Variants in CNTN5 observed in about 807,000 individuals in gnomAD.
CNTN5 encodes contactin 5.
In CNTN5, 77 loss-of-function variants were observed where a neutral mutation model predicts 129.1. The ratio of observed to expected loss-of-function variants is 0.60; its 90% CI spans 0.50 to 0.72. The LOEUF (loss-of-function observed/expected upper bound fraction) is 0.72. Ranked by LOEUF, CNTN5 falls within the 30% of genes least tolerant of loss-of-function variation. The pLI, the probability that CNTN5 is intolerant of heterozygous loss-of-function variation, is 0.00. For synonymous variants in CNTN5, 509 were observed against 465.6 expected (o/e 1.09, Z -1.20); for missense variants, 1,478 against 1,328.8 (o/e 1.11, Z -1.75).
At chr11:100,069,519 C>A (rs1291991600) in intron 10 of CNTN5, among the ~76,000 whole-genome samples, 1 of 152,016 alleles carries the variant, frequency 6.6e-6, no homozygotes, top group Non-Finnish European at 1.5e-5. Context: ...TGACATTAGA[C>A]CACCTCTACC....
intron 2 of CNTN5, among the ~76,000 whole-genome samples, chr11:99,437,887 A>C (rs1192022522): frequency 1.1e-4 from 16 of 152,186 alleles, no homozygotes; most frequent in Admixed American, 1.0e-3. Flanking sequence ...AGAAAATAAA[A>C]CTTCCCAAAT....
intron 13 of CNTN5, among the ~76,000 whole-genome samples, chr11:100,099,655 A>G (rs1209096912): frequency 6.6e-6 from 1 of 151,836 alleles, no homozygotes; most frequent in Non-Finnish European, 1.5e-5. Flanking sequence ...CTCTTTCTAG[A>G]ATGGTTTTTG....
Position 100,200,609 on chromosome 11 carries a change from G to A in CNTN5, c.1884+6946G>A, listed in dbSNP as rs146168886. Among the ~76,000 whole-genome samples the A allele has an allele frequency of 7.3e-3, 1,105 of 151,962 alleles. 7 individuals are homozygous for A. Among genetic ancestry groups the A allele is most frequent in the African/African-American group, 0.023 (937 of 41,496 alleles). The stretch of plus-strand genomic sequence containing the variant: ...TCAGAGAGAGAATATAAAGCTCTCT[G>A]ATAGAGAAAGGCAATTTTTGTCGGG... On this transcript the variant is annotated intron_variant, in intron 15 of 24. Coordinates refer to ENST00000524871, the MANE Select transcript of CNTN5 (RefSeq NM_014361.4).
chr11:99,807,219 T>G (rs928108897), intron 3 of CNTN5, among the ~76,000 whole-genome samples: 3 of 152,166 alleles, frequency 2.0e-5, no homozygotes, highest in African/African-American at 7.2e-5. Flanking sequence ...AAAGAAAATA[T>G]TGCTCTTTTA....
Position 100,358,013 on chromosome 11 carries a change from C to T in CNTN5, c.*1793C>T, listed in dbSNP as rs1005365174. The T allele has an allele frequency of 6.6e-6, 1 of 151,838 alleles. No individual in the cohort carries two copies. The highest frequency in any genetic ancestry group is 1.5e-5 in the Non-Finnish European group (1 of 67,820). The allele number at this position is 151,838 out of a possible 1,614,324, so 9.4% of individuals were successfully genotyped here. Reference sequence around the variant, plus strand: ...CCAAGTGGCCTTTCTTGAACGCCTCCTTTAAAGTGGGAGAGGCTGGACTTT... The same window carrying T: ...CCAAGTGGCCTTTCTTGAACGCCTCTTTTAAAGTGGGAGAGGCTGGACTTT... On this transcript the variant is annotated 3_prime_UTR_variant, in exon 25 of 25. Transcript: ENST00000524871.
At chr11:99,580,521 C>G (rs760587916) in intron 3 of CNTN5, among the ~76,000 whole-genome samples, 129 of 152,244 alleles carry the variant, frequency 8.5e-4, no homozygotes, top group Non-Finnish European at 1.4e-3. Flanking sequence ...TGCTATTGGT[C>G]TATTCAGATA....
intron 3 of CNTN5, among the ~76,000 whole-genome samples, chr11:99,598,689 GC>G (rs1466041098): frequency 2.6e-5 from 4 of 151,518 alleles, no homozygotes; most frequent in Non-Finnish European, 5.9e-5. Flanking sequence ...ATGGGAAGGT[GC>G]CAGTGATAGC....
At chr11:100,067,521 G>A (rs1447522590) in intron 10 of CNTN5, among the ~76,000 whole-genome samples, 5 of 151,278 alleles carry the variant, frequency 3.3e-5, no homozygotes, top group African/African-American at 1.2e-4. Context: ...TAAAGCTACA[G>A]AAGTATAGCT....
intron 13 of CNTN5, among the ~76,000 whole-genome samples, chr11:100,108,232 T>G (rs1375102054): frequency 6.6e-6 from 1 of 152,004 alleles, no homozygotes; most frequent in Non-Finnish European, 1.5e-5. Context: ...TTATTGAGCT[T>G]GGATAGAATT....
At chr11:99,473,115 AG>A (rs1158725677) in intron 2 of CNTN5, among the ~76,000 whole-genome samples, 34 of 152,178 alleles carry the variant, frequency 2.2e-4, no homozygotes, top group Admixed American at 2.2e-3. Flanking sequence ...CACTGTAAAA[AG>A]AAAGGGCTAG....
chr11:99,116,691 T>C (rs1381584418), intron 1 of CNTN5, among the ~76,000 whole-genome samples: 1 of 152,208 alleles, frequency 6.6e-6, no homozygotes, highest in Non-Finnish European at 1.5e-5. Context: ...AAGAGTATTA[T>C]CTCATCAATG....
intron 6 of CNTN5, among the ~76,000 whole-genome samples, chr11:99,860,106 T>C (rs1431800881): frequency 6.6e-6 from 1 of 152,112 alleles, no homozygotes. Flanking sequence ...TGATGTGGAG[T>C]ACTTCTTCCA....
At chr11:99,305,144 CTG>C (rs1864817794) in intron 1 of CNTN5, among the ~76,000 whole-genome samples, 1 of 152,266 alleles carries the variant, frequency 6.6e-6, no homozygotes, top group African/African-American at 2.4e-5. Context: ...AGCAAGCAAA[CTG>C]TGTTACCCTC....
At chr11:99,682,547 G>T (rs867789714) in intron 3 of CNTN5, among the ~76,000 whole-genome samples, 1 of 151,812 alleles carries the variant, frequency 6.6e-6, no homozygotes, top group Non-Finnish European at 1.5e-5. Context: ...AATACATTGA[G>T]AAACACAGTA....
At chr11:99,645,302 C>G (rs1241678072) in intron 3 of CNTN5, among the ~76,000 whole-genome samples, 2 of 144,066 alleles carry the variant, frequency 1.4e-5, no homozygotes, top group East Asian at 4.3e-4. Context: ...GAGAAAAAGC[C>G]TATGAATTTC....
chr11:99,612,736 T>C (rs1950628586), intron 3 of CNTN5, among the ~76,000 whole-genome samples: 1 of 152,240 alleles, frequency 6.6e-6, no homozygotes, highest in Non-Finnish European at 1.5e-5. Context: ...CATTCCCTTT[T>C]TCATATAACA....
intron 13 of CNTN5, among the ~76,000 whole-genome samples, chr11:100,104,764 C>A (rs1227616255): frequency 2.0e-5 from 3 of 152,120 alleles, no homozygotes; most frequent in Non-Finnish European, 4.4e-5. Flanking sequence ...ATTCTTAGTG[C>A]ATCTTACCTC....
intron 16 of CNTN5, among the ~76,000 whole-genome samples, chr11:100,242,116 C>A (rs73561690): frequency 0.056 from 8,476 of 152,156 alleles, 795 homozygotes; most frequent in African/African-American, 0.19. Context: ...CTGGCACTTG[C>A]TAATCTTTCT....
At chr11:99,937,528 G>A (rs1310353989) in intron 7 of CNTN5, among the ~76,000 whole-genome samples, 4 of 152,150 alleles carry the variant, frequency 2.6e-5, no homozygotes, top group African/African-American at 9.7e-5. Flanking sequence ...GCTGTGCTTC[G>A]GAGATGTGTG....
Sources: allele counts gnomAD v4.1 joint callset (sites outside exome capture counted in the v4.1 genomes callset), GRCh38; gene constraint gnomAD v4.1.1; transcripts MANE v1.5; gene names NCBI Gene and HGNC (gene_info 2026-07-23, HGNC 2026-07-21).